PCMTD2: variants seen among roughly 807,000 people sequenced by gnomAD.
PCMTD2 encodes protein-L-isoaspartate (D-aspartate) O-methyltransferase domain containing 2, also known as protein-L-isoaspartate O-methyltransferase domain-containing protein 2.
PCMTD2 carries 16 observed loss-of-function variants against 33.4 expected under a neutral mutation model. The ratio of observed to expected loss-of-function variants is 0.48; its 90% CI spans 0.32 to 0.73. PCMTD2 has a LOEUF of 0.73. Ranked by LOEUF, PCMTD2 falls within the 30% of genes least tolerant of loss-of-function variation. The pLI is 0.03. For synonymous variants in PCMTD2, 161 were observed against 160.8 expected (o/e 1.00, Z -0.01); for missense variants, 374 against 449.9 (o/e 0.83, Z 1.53).
intron 1 of PCMTD2, chr20:64,256,667 G>A (rs1985182055): frequency 6.6e-6 from 1 of 152,198 alleles, no homozygotes; most frequent in Non-Finnish European, 1.5e-5. Context: ...GGGAAATAGA[G>A]CCCTACACTC....
In PCMTD2 at chr20:64,264,465, C is replaced by T. The variant is rs1381796865; in HGVS notation, c.344C>T (p.Ser115Leu). The T allele has an allele frequency of 2.5e-6, 4 of 1,605,052 alleles. No homozygotes were observed. The highest frequency in any genetic ancestry group is 3.4e-6 in the Non-Finnish European group (4 of 1,171,946). The change falls in exon 3 of 6, where the codon TCA becomes TTA. Residue 115 changes from serine (S) to leucine (L), a missense_variant. Coordinates refer to ENST00000308824, the MANE Select transcript of PCMTD2 (RefSeq NM_018257.3). ...FGVNHGVELH[S>L]DVIEYAKQKL... ...GTGAACCATGGGGTGGAACTTCACT[C>T]AGATGTGATAGAGTATGCAAAGCAG... is the stretch of plus-strand genomic sequence containing the variant.
chr20:64,274,560 G>C lies in PCMTD2; in HGVS notation c.*960G>C. The C allele has an allele frequency of 6.6e-6, 1 of 152,192 alleles. No homozygotes were observed. The highest frequency in any genetic ancestry group is 1.5e-5 in the Non-Finnish European group (1 of 68,040). 9.4% of individuals were successfully genotyped at this position (152,192 alleles called of 1,614,324 possible). A position where few individuals can be genotyped will look rare whatever the true frequency, so the allele number is the denominator to read the frequency against. ...CTGGGGACTCTATGATGGGCAGCCT[G>C]TGCTTTTTGACTTCAGTTTGCTATT... On this transcript the variant is annotated 3_prime_UTR_variant, in exon 6 of 6. Transcript: ENST00000308824.
At chr20:64,272,069 A>G in intron 5 of PCMTD2, 4 of 399,460 alleles carry the variant, frequency 1.0e-5, no homozygotes, top group South Asian at 7.1e-5. Context: ...TGTCCTGGAG[A>G]AAGGAGAAGG....
chr20:64,266,408 C>A (rs990033576), intron 4 of PCMTD2, among the ~76,000 whole-genome samples: 5 of 152,160 alleles, frequency 3.3e-5, no homozygotes, highest in Non-Finnish European at 7.4e-5. Flanking sequence ...CAGGTGCGTG[C>A]CACCACACCC....
intron 1 of PCMTD2, chr20:64,256,997 A>G (rs1985194819): frequency 6.6e-6 from 1 of 152,226 alleles, no homozygotes; most frequent in Non-Finnish European, 1.5e-5. Flanking sequence ...GTCGGAGACC[A>G]TCTGTATTTG....
At chr20:64,257,834 GC>G (rs1366336501) in intron 1 of PCMTD2, among the ~76,000 whole-genome samples, 1 of 152,210 alleles carries the variant, frequency 6.6e-6, no homozygotes, top group African/African-American at 2.4e-5. Context: ...TTTGAATGCA[GC>G]CCCCTCCTCA....
At chr20:64,257,189 T>G (rs944742366) in intron 1 of PCMTD2, 1 of 152,258 alleles carries the variant, frequency 6.6e-6, no homozygotes, top group African/African-American at 2.4e-5. Context: ...AGTTGGAATG[T>G]GATCTTCCGT....
rs1986029099 is a variant in PCMTD2, at chr20:64,274,292, A to G, written c.*692A>G. On this transcript the variant is annotated 3_prime_UTR_variant, in exon 6 of 6. Transcript: ENST00000308824. ...CTTTCTGGAATTCCGAGAGAATTCCAAAGAGGGTTTTTTTTTTTTTTTTTA... is the reference window on the plus strand; with the variant it reads ...CTTTCTGGAATTCCGAGAGAATTCCGAAGAGGGTTTTTTTTTTTTTTTTTA... 1 of 147,478 alleles carries G rather than the reference A, an allele frequency of 6.8e-6. No individual in the cohort carries two copies. Among genetic ancestry groups the G allele is most frequent in the Admixed American group, 6.8e-5 (1 of 14,808 alleles). 9.1% of individuals were successfully genotyped at this position (147,478 alleles called of 1,614,324 possible).
At position 64,272,725 on chromosome 20, in the gene PCMTD2, C is replaced by T. The variant is rs571432350; in HGVS notation, c.707-496C>T. 2.1e-4 allele frequency among the ~76,000 whole-genome samples: 32 copies of T among 152,224 alleles called. No individual in the cohort carries two copies. In the East Asian group the frequency reaches 4.6e-3, roughly 22 times the overall value. ...ATCCCAGCTACTGGGGAGGTTGAGG[C>T]GGGAGGATCACTTGAACCCAGGAGA... On this transcript the variant is annotated intron_variant, in intron 5 of 5. Transcript: ENST00000308824.
rs555718138 is a variant in PCMTD2, at chr20:64,257,755, C to A, written c.-25+1885C>A. Among the ~76,000 whole-genome samples, 4 of 152,314 alleles carry A rather than the reference C, an allele frequency of 2.6e-5. No individual in the cohort carries two copies. The South Asian group carries it at 8.3e-4, about 32-fold the overall frequency. On this transcript the variant is annotated intron_variant, in intron 1 of 5. Transcript: ENST00000308824. ...GTTGTGTGGTAAAGAACGTTGCTGT[C>A]TTGAGTATTTTTAAAAGCTGCACTG...
At chr20:64,263,175 G>A (rs1454817574) in intron 2 of PCMTD2, among the ~76,000 whole-genome samples, 2 of 152,202 alleles carry the variant, frequency 1.3e-5, no homozygotes, top group East Asian at 1.9e-4. Context: ...TGGCAGAGTC[G>A]GGAATTGAAG....
chr20:64,257,449 G>T (rs6062678), intron 1 of PCMTD2, among the ~76,000 whole-genome samples: 65,385 of 152,082 alleles, frequency 0.43, 14,604 homozygotes, highest in Middle Eastern at 0.49. Flanking sequence ...ATCGAGTGCA[G>T]CGTTCTAAAA....
intron 5 of PCMTD2, among the ~76,000 whole-genome samples, chr20:64,272,526 A>T (rs1013052007): frequency 2.9e-4 from 44 of 152,224 alleles, no homozygotes; most frequent in African/African-American, 1.0e-3. Flanking sequence ...TTAACAGATA[A>T]AAGAATATTA....
At chr20:64,259,041 G>GT (rs1985281903) in intron 1 of PCMTD2, among the ~76,000 whole-genome samples, 1 of 152,210 alleles carries the variant, frequency 6.6e-6, no homozygotes, top group Admixed American at 6.5e-5. Context: ...TTGAAGGCAG[G>GT]TTGGGAGAAG....
In PCMTD2 at chr20:64,264,481, T is replaced by C. The variant is rs1351802951; in HGVS notation, c.360T>C (p.Tyr120=). The C allele has an allele frequency of 6.2e-7, 1 of 1,608,068 alleles. No individual in the cohort carries two copies. The highest frequency in any genetic ancestry group is 1.1e-5 in the South Asian group (1 of 90,948). The change falls in exon 3 of 6, where the codon TAT becomes TAC. Residue 120 remains tyrosine (Y), a synonymous_variant. Coordinates refer to ENST00000308824, the MANE Select transcript of PCMTD2 (RefSeq NM_018257.3). Reference sequence around the variant, plus strand: ...AACTTCACTCAGATGTGATAGAGTATGCAAAGCAGAAACTGGACTTCTTCA... The same window carrying C: ...AACTTCACTCAGATGTGATAGAGTACGCAAAGCAGAAACTGGACTTCTTCA... The part of the protein sequence containing the change: ...GVELHSDVIE[Y]AKQKLDFFIR...
chr20:64,265,579 G>A lies in PCMTD2; in HGVS notation c.582+150G>A, dbSNP rs550182234. Reference sequence around the variant, plus strand: ...ACAGGTGAGGGAGATGCAGGGTCACGCACATGCCCTAGCTGGGGCCAGAAG... The same window carrying A: ...ACAGGTGAGGGAGATGCAGGGTCACACACATGCCCTAGCTGGGGCCAGAAG... On this transcript the variant is annotated intron_variant, in intron 4 of 5. Transcript: ENST00000308824. 945 of 577,820 alleles carry A rather than the reference G, an allele frequency of 1.6e-3. 3 individuals carry two copies. The highest frequency in any genetic ancestry group is 3.5e-3 in the Admixed American group (93 of 26,780). 35.8% of individuals were successfully genotyped at this position (577,820 alleles called of 1,614,324 possible).
chr20:64,259,518 A>G (rs1985312204), intron 1 of PCMTD2, among the ~76,000 whole-genome samples: 1 of 150,618 alleles, frequency 6.6e-6, no homozygotes, highest in Non-Finnish European at 1.5e-5. Context: ...CCTCGCCAGT[A>G]GCTGGGATTA....
chr20:64,265,500 ACTTACT>A, intron 4 of PCMTD2, 71 bp downstream of exon 4: 1 of 1,175,934 alleles, frequency 8.5e-7, no homozygotes, highest in Middle Eastern at 2.5e-4. Context: ...GTGTACGGAT[ACTTACT>A]CTTTTAACAA....
intron 2 of PCMTD2, chr20:64,262,707 T>A (rs925979101): frequency 1.3e-5 from 2 of 152,444 alleles, no homozygotes; most frequent in African/African-American, 4.8e-5. Flanking sequence ...GTTCCTGTGC[T>A]TGCTCTGTGG....
Sources: gnomAD v4.1 joint callset for allele counts (sites outside exome capture counted in the v4.1 genomes callset) on GRCh38, gnomAD v4.1.1 for gene constraint, MANE v1.5 for transcripts, NCBI Gene and HGNC (gene_info 2026-07-23, HGNC 2026-07-21) for gene names.